MNT: variants seen among roughly 807,000 people sequenced by gnomAD.
The protein encoded by MNT is max-binding protein MNT.
In MNT, 13 loss-of-function variants were observed where a neutral mutation model predicts 40.7. That is an observed-to-expected ratio of 0.32 (90% CI 0.21 to 0.51). The LOEUF is 0.51. Among genes scored for constraint, MNT ranks in the 20% least tolerant of loss-of-function variants. MNT has a pLI of 0.98. For synonymous variants in MNT, 426 were observed against 354.8 expected (o/e 1.20, Z -2.26); for missense variants, 757 against 792.0 (o/e 0.96, Z 0.53).
rs1476430233 is a variant in MNT, at chr17:2,394,296, C to CACACACACAT, written c.695+8_695+9insATGTGTGTGT. 6.2e-7 allele frequency: 1 copy of CACACACACAT among 1,613,290 alleles called. No individual in the cohort carries two copies. The highest frequency in any genetic ancestry group is 1.1e-5 in the South Asian group (1 of 91,056). ...ACGCACGCACACACACACACACACACACACACACCTGTTCTTCTCCAATTT... is the reference window on the plus strand; with the variant it reads ...ACGCACGCACACACACACACACACACACACACACATACACACACCTGTTCTTCTCCAATTT... On this transcript the variant is annotated intron_variant, in intron 3 of 5. Transcript: ENST00000174618.
At position 2,387,837 on chromosome 17, in the gene MNT, G is replaced by A. The variant is rs2066480181; in HGVS notation, c.1000+20C>T. 6 of 1,582,248 alleles carry A rather than the reference G, an allele frequency of 3.8e-6. No homozygotes were observed. Among genetic ancestry groups the A allele is most frequent in the Non-Finnish European group, 5.1e-6 (6 of 1,168,850 alleles). On this transcript the variant is annotated intron_variant, in intron 5 of 5. Transcript: ENST00000174618. ...GTAACATCTGAGGGCTGGGGGGCCA[G>A]CGTGGGGGCTGGGGCTCACCAGAGG...
intron 1 of MNT, among the ~76,000 whole-genome samples, chr17:2,399,464 T>G (rs2066599634): frequency 6.6e-6 from 1 of 152,134 alleles, no homozygotes; most frequent in African/African-American, 2.4e-5. Context: ...GAGCTCTAAA[T>G]GTCTCGTCGC....
chr17:2,387,854 C>T lies in MNT; in HGVS notation c.1000+3G>A. 6.3e-7 allele frequency: 1 copy of T among 1,595,990 alleles called. No homozygotes were observed. The highest frequency in any genetic ancestry group is 1.1e-5 in the South Asian group (1 of 90,186). On this transcript the variant is annotated splice_donor_region_variant and intron_variant, in intron 5 of 5. Transcript: ENST00000174618. Reference sequence around the variant, plus strand: ...GGGGGCCAGCGTGGGGGCTGGGGCTCACCAGAGGCGGTGGAGGTGGAGGCC... The same window carrying T: ...GGGGGCCAGCGTGGGGGCTGGGGCTTACCAGAGGCGGTGGAGGTGGAGGCC...
rs745409965 is a variant in MNT at position 2,394,019 on chromosome 17, G to C, written c.807+24C>G. The C allele has an allele frequency of 2.0e-6, 3 of 1,526,456 alleles. No individual in the cohort carries two copies. The Admixed American group carries it at 5.8e-5, about 29-fold the overall frequency. The allele number at this position is 1,526,456 out of a possible 1,614,324, so 94.6% of individuals were successfully genotyped here. A position where few individuals can be genotyped will look rare whatever the true frequency, so the allele number is the denominator to read the frequency against. ...GGAGGGAGGGCGGGGGAAGCTGCGC[G>C]ACGCCGGCCTCCGGGCCCCATACCT... is the stretch of plus-strand genomic sequence containing the variant. On this transcript the variant is annotated intron_variant, in intron 4 of 5. Coordinates refer to ENST00000174618, the MANE Select transcript of MNT (RefSeq NM_020310.3).
Position 2,400,943 on chromosome 17 carries a change from A to C in MNT, c.-231T>G. 1 of 374,502 alleles carries C rather than the reference A, an allele frequency of 2.7e-6. No individual in the cohort carries two copies. The highest frequency in any genetic ancestry group is 4.8e-6 in the Non-Finnish European group (1 of 208,728). 23.2% of individuals were successfully genotyped at this position (374,502 alleles called of 1,614,324 possible). On this transcript the variant is annotated 5_prime_UTR_variant, in exon 1 of 6. Coordinates refer to ENST00000174618, the MANE Select transcript of MNT (RefSeq NM_020310.3). Reference sequence around the variant, plus strand: ...CAAATTTAAAAAAATGGGATGCAAAAAAAAAAAAAAGGCGGCACTGCCTCC... The same window carrying C: ...CAAATTTAAAAAAATGGGATGCAAACAAAAAAAAAAGGCGGCACTGCCTCC...
rs1555610473 is a variant in MNT at position 2,384,597 on chromosome 17, C to CGCGTGT, written c.*2303_*2304insACACGC. Reference sequence around the variant, plus strand: ...GAGGTAAGATGTGTGCGTGTGCGTGCGTGTGTGTGTGTGTGTGTGTGTGTG... The same window carrying CGCGTGT: ...GAGGTAAGATGTGTGCGTGTGCGTGCGCGTGTGTGTGTGTGTGTGTGTGTGTGTGTG... On this transcript the variant is annotated 3_prime_UTR_variant, in exon 6 of 6. Coordinates refer to ENST00000174618, the MANE Select transcript of MNT (RefSeq NM_020310.3). The CGCGTGT allele has an allele frequency of 6.0e-4, 87 of 145,808 alleles. No individual in the cohort carries two copies. Among genetic ancestry groups the CGCGTGT allele is most frequent in the East Asian group, 2.0e-3 (10 of 4,884 alleles). 9.0% of individuals were successfully genotyped at this position (145,808 alleles called of 1,614,324 possible).
chr17:2,396,030 C>A (rs534882162), intron 1 of MNT, among the ~76,000 whole-genome samples: 15 of 152,344 alleles, frequency 9.8e-5, no homozygotes, highest in African/African-American at 3.6e-4. Flanking sequence ...CAAAGTGATT[C>A]GCTGCAGGTC....
Position 2,386,850 on chromosome 17 carries a change from G to A in MNT, c.*51C>T. 1 of 1,436,198 alleles carries A rather than the reference G, an allele frequency of 7.0e-7. No individual in the cohort carries two copies. The highest frequency in any genetic ancestry group is 9.2e-7 in the Non-Finnish European group (1 of 1,090,954). 89.0% of individuals were successfully genotyped at this position (1,436,198 alleles called of 1,614,324 possible). On this transcript the variant is annotated 3_prime_UTR_variant, in exon 6 of 6. Coordinates refer to ENST00000174618, the MANE Select transcript of MNT (RefSeq NM_020310.3). Reference sequence around the variant, plus strand: ...TGGAGCTGGTGGGTGAGAGAGTGGGGGACAGGTCCCCCTCCCTGTCCCCAC... The same window carrying A: ...TGGAGCTGGTGGGTGAGAGAGTGGGAGACAGGTCCCCCTCCCTGTCCCCAC...
rs546062005 is a variant in MNT, at chr17:2,400,751, T to A, written c.-39A>T. On this transcript the variant is annotated 5_prime_UTR_variant, in exon 1 of 6. Transcript: ENST00000174618. The stretch of plus-strand genomic sequence containing the variant: ...GCCGGGGGCGCGCCGGGGCCGAGGC[T>A]GCGGCCCGCGAGCCGGGCACAGGTC... 1 of 1,492,542 alleles carries A rather than the reference T, an allele frequency of 6.7e-7. No individual in the cohort carries two copies. Among genetic ancestry groups the A allele is most frequent in the Non-Finnish European group, 8.9e-7 (1 of 1,125,486 alleles). The allele number at this position is 1,492,542 out of a possible 1,614,324, so 92.5% of individuals were successfully genotyped here. A position where few individuals can be genotyped will look rare whatever the true frequency, so the allele number is the denominator to read the frequency against.
chr17:2,388,293 G>T, intron 4 of MNT: 1 of 506,616 alleles, frequency 2.0e-6, no homozygotes, highest in East Asian at 3.4e-5. Context: ...TCAACCAGGT[G>T]TGCAGGTCCT....
chr17:2,387,002 G>A lies in MNT; in HGVS notation c.1648C>T (p.Gln550Ter). The change falls in exon 6 of 6, where the codon CAG becomes TAG. Residue 550 changes from glutamine (Q) to a stop codon, truncating the protein, a stop_gained. Transcript: ENST00000174618. LOFTEE classifies it high-confidence loss of function. Reference sequence around the variant, plus strand: ...ACCAGCTGGGGGTGGTGCACCACCTGAGCCCCCACGGCCGGCTTTGCCATG... The same window carrying A: ...ACCAGCTGGGGGTGGTGCACCACCTAAGCCCCCACGGCCGGCTTTGCCATG... ...TVMAKPAVGA[Q>*]VVHHPQLVGQ... 1 of 1,533,428 alleles carries A rather than the reference G, an allele frequency of 6.5e-7. No individual in the cohort carries two copies. Among genetic ancestry groups the A allele is most frequent in the Non-Finnish European group, 8.8e-7 (1 of 1,137,584 alleles). The allele number at this position is 1,533,428 out of a possible 1,614,324, so 95.0% of individuals were successfully genotyped here.
intron 1 of MNT, among the ~76,000 whole-genome samples, chr17:2,398,237 A>G (rs986207768): frequency 2.0e-5 from 3 of 152,260 alleles, no homozygotes; most frequent in Non-Finnish European, 4.4e-5. Flanking sequence ...AGCCACCTCT[A>G]TGAACACTAG....
At chr17:2,391,636 T>C (rs60305544) in intron 4 of MNT, 7,535 of 152,344 alleles carry the variant, frequency 0.049, 271 homozygotes, top group South Asian at 0.13. Flanking sequence ...CTTCAAACCT[T>C]TGACCACCTC....
At chr17:2,388,199 C>A (rs2066484124) in intron 4 of MNT, 150 bp from the exon 5 acceptor site, 3 of 696,986 alleles carry the variant, frequency 4.3e-6, no homozygotes, top group East Asian at 5.6e-5. Flanking sequence ...GGAGACCGCA[C>A]CTGTTGTGGT....
At position 2,386,896 on chromosome 17, in the gene MNT, C is replaced by T. The variant is rs368354845; in HGVS notation, c.*5G>A. On this transcript the variant is annotated 3_prime_UTR_variant, in exon 6 of 6. Transcript: ENST00000174618. ...CCCACTGGGGGCCTCTGAGTGGCCT[C>T]GTCCTCAAGCCAGCTTGAGTGTGCT... 8.9e-6 allele frequency: 13 copies of T among 1,461,768 alleles called. No homozygotes were observed. In the African/African-American group the frequency reaches 1.3e-4, roughly 14 times the overall value. The allele number at this position is 1,461,768 out of a possible 1,614,324, so 90.5% of individuals were successfully genotyped here.
At chr17:2,392,934 C>A (rs1171505097) in intron 4 of MNT, among the ~76,000 whole-genome samples, 1 of 152,110 alleles carries the variant, frequency 6.6e-6, no homozygotes, top group Non-Finnish European at 1.5e-5. Flanking sequence ...CGCGAAGCAG[C>A]GCCTCAGCCC....
rs537174910 is a variant in MNT at position 2,387,938 on chromosome 17, T to G, written c.919A>C (p.Met307Leu). The change falls in exon 5 of 6, where the codon ATG becomes CTG. Residue 307 changes from methionine to leucine, a missense_variant. By Grantham distance (15) the Met-to-Leu change is conservative. Around this residue, in one of 4 missense-constraint regions of MNT, gnomAD observed 4 missense variants for 19.7 expected, o/e 0.20. Transcript: ENST00000174618. Reference protein sequence around the residue: ...AELKHELSQWMDVLEIDRVLR... With the variant: ...AELKHELSQWLDVLEIDRVLR... ...ACGCGGTCAATCTCCAGTACGTCCA[T>G]CCACTGGCTCAGCTCGTGCTTGAGC... The G allele has an allele frequency of 6.2e-7, 1 of 1,610,088 alleles. No homozygotes were observed. Among genetic ancestry groups the G allele is most frequent in the East Asian group, 2.2e-5 (1 of 44,812 alleles).
At chr17:2,399,097 GCAA>G (rs1480146112) in intron 1 of MNT, among the ~76,000 whole-genome samples, 1 of 151,730 alleles carries the variant, frequency 6.6e-6, no homozygotes, top group Admixed American at 6.6e-5. Flanking sequence ...CATCATTGAA[GCAA>G]CAATAGGCAG....
chr17:2,384,321 G>A lies in MNT; in HGVS notation c.*2580C>T, dbSNP rs2066436833. On this transcript the variant is annotated 3_prime_UTR_variant, in exon 6 of 6. Coordinates refer to ENST00000174618, the MANE Select transcript of MNT (RefSeq NM_020310.3). ...TGGGGTCGCTACAGTTTATATTTCAGGAAACAGAGACACAGTGGCCGAGTC... is the reference window on the plus strand; with the variant it reads ...TGGGGTCGCTACAGTTTATATTTCAAGAAACAGAGACACAGTGGCCGAGTC... 1 of 152,002 alleles carries A rather than the reference G, an allele frequency of 6.6e-6. No individual in the cohort carries two copies. The highest frequency in any genetic ancestry group is 2.1e-4 in the South Asian group (1 of 4,796). 9.4% of individuals were successfully genotyped at this position (152,002 alleles called of 1,614,324 possible). A position where few individuals can be genotyped will look rare whatever the true frequency, so the allele number is the denominator to read the frequency against.
Sources: allele counts gnomAD v4.1 joint callset (sites outside exome capture counted in the v4.1 genomes callset), GRCh38; gene constraint gnomAD v4.1.1; regional missense constraint gnomAD v4.1.1; transcripts MANE v1.5; gene names NCBI Gene and HGNC (gene_info 2026-07-23, HGNC 2026-07-21).